GPR161: variants seen among roughly 807,000 people sequenced by gnomAD.
The protein encoded by GPR161 is G protein-coupled receptor 161.
A neutral mutation model predicts 39.2 loss-of-function variants in GPR161; 25 were observed. That is an observed-to-expected ratio of 0.64 (90% CI 0.47 to 0.89). GPR161 has a LOEUF of 0.89. Ranked by LOEUF, GPR161 falls within the 40% of genes least tolerant of loss-of-function variation. The pLI is 0.00. For synonymous variants in GPR161, 286 were observed against 276.6 expected (o/e 1.03, Z -0.34); for missense variants, 547 against 677.8 (o/e 0.81, Z 2.14).
At chr1:168,106,327 C>G (rs573804233) in intron 1 of GPR161, among the ~76,000 whole-genome samples, 2 of 152,312 alleles carry the variant, frequency 1.3e-5, no homozygotes, top group South Asian at 2.1e-4. Context: ...TGGCTCACAC[C>G]GGTAATCCCA....
At chr1:168,101,106 T>C (rs917190076) in intron 2 of GPR161, among the ~76,000 whole-genome samples, 4 of 121,394 alleles carry the variant, frequency 3.3e-5, no homozygotes, top group African/African-American at 1.5e-4. Context: ...TCCAGCCAGT[T>C]TCTTTTTTTT....
At position 168,108,486 on chromosome 1, in the gene GPR161, T is replaced by TAAAAAAAAAAAAAAA. The variant is rs10670498; in HGVS notation, c.-44-3607_-44-3593dup. 4.0e-3 allele frequency among the ~76,000 whole-genome samples: 70 copies of TAAAAAAAAAAAAAAA among 17,458 alleles called. 12 individuals carry two copies. The highest frequency in any genetic ancestry group is 0.024 in the East Asian group (6 of 248). The allele number at this position is 17,458 out of a possible 152,430, so 11.5% of individuals were successfully genotyped here. A position where few individuals can be genotyped will look rare whatever the true frequency, so the allele number is the denominator to read the frequency against. On this transcript the variant is annotated intron_variant, in intron 1 of 5. Transcript: ENST00000682931. ...ATTTTATCCACTGAGGCCCTAGTTG[T>TAAAAAAAAAAAAAAA]AAAAAAAAAAAAAAAAAAAAAAAAA...
chr1:168,100,211 A>C (rs888283683), intron 2 of GPR161, among the ~76,000 whole-genome samples: 149 of 59,886 alleles, frequency 2.5e-3, no homozygotes, highest in African/African-American at 0.013. Context: ...ACCCTGTCTC[A>C]AAAAAAAAAA....
intron 1 of GPR161, chr1:168,133,756 C>T: frequency 5.6e-6 from 1 of 178,344 alleles, no homozygotes; most frequent in Non-Finnish European, 1.1e-5. Context: ...CCACCATGCC[C>T]AGCTTCATTT....
chr1:168,105,094 C>T (rs997632572), intron 1 of GPR161, among the ~76,000 whole-genome samples, 200 bp from the exon 2 acceptor site: 5 of 152,112 alleles, frequency 3.3e-5, no homozygotes, highest in Non-Finnish European at 7.4e-5. Context: ...TTCATTACAT[C>T]CCCCTGACCA....
intron 3 of GPR161, among the ~76,000 whole-genome samples, chr1:168,091,808 ACGCT>A (rs1408961904): frequency 6.6e-6 from 1 of 152,164 alleles, no homozygotes; most frequent in African/African-American, 2.4e-5. Context: ...AGATAACAAA[ACGCT>A]CTTAGAAATT....
chr1:168,120,104 C>A (rs1698044272), intron 1 of GPR161, among the ~76,000 whole-genome samples: 1 of 152,220 alleles, frequency 6.6e-6, no homozygotes, highest in Non-Finnish European at 1.5e-5. Flanking sequence ...ACAACTTGCA[C>A]CATGCACCTG....
At chr1:168,086,225 A>T (rs974539455) in intron 5 of GPR161, among the ~76,000 whole-genome samples, 15 of 151,934 alleles carry the variant, frequency 9.9e-5, no homozygotes, top group African/African-American at 3.6e-4. Flanking sequence ...ACTTCCACAA[A>T]CCCTAATGTC....
chr1:168,084,687 TAAC>T lies in GPR161; in HGVS notation c.*841_*843del. 2 of 374,078 alleles carry T rather than the reference TAAC, an allele frequency of 5.3e-6. No homozygotes were observed. The highest frequency in any genetic ancestry group is 2.0e-5 in the South Asian group (1 of 49,090). The allele number at this position is 374,078 out of a possible 1,614,324, so 23.2% of individuals were successfully genotyped here. On this transcript the variant is annotated 3_prime_UTR_variant, in exon 6 of 6. Coordinates refer to ENST00000682931, the MANE Select transcript of GPR161 (RefSeq NM_001375883.1). ...CATGTGAACAAATTCCCTTCCATAATAACAGTTTCTCTATTTCCTGGCTGTGCT... is the reference window on the plus strand; with the variant it reads ...CATGTGAACAAATTCCCTTCCATAATAGTTTCTCTATTTCCTGGCTGTGCT...
chr1:168,133,723 G>A (rs1166962451), intron 1 of GPR161, among the ~76,000 whole-genome samples: 1 of 152,148 alleles, frequency 6.6e-6, no homozygotes, highest in Non-Finnish European at 1.5e-5. Context: ...AGCCTATCAA[G>A]TAACTGGGAC....
At chr1:168,116,515 C>T (rs1228209056) in intron 1 of GPR161, among the ~76,000 whole-genome samples, 1 of 152,100 alleles carries the variant, frequency 6.6e-6, no homozygotes, top group African/African-American at 2.4e-5. Context: ...TAATAACCAC[C>T]CTGTAACTGA....
intron 1 of GPR161, chr1:168,114,541 G>A (rs1697464567): frequency 6.6e-6 from 1 of 151,622 alleles, no homozygotes; most frequent in South Asian, 2.1e-4. Flanking sequence ...TAAGCAACAG[G>A]GTGAGACTCT....
intron 1 of GPR161, among the ~76,000 whole-genome samples, chr1:168,126,081 A>G (rs1698566020): frequency 6.6e-6 from 1 of 152,194 alleles, no homozygotes; most frequent in Non-Finnish European, 1.5e-5. Context: ...ATTATTCTGA[A>G]AACGTCTATA....
chr1:168,089,067 C>T (rs543675059), intron 4 of GPR161: 2 of 152,286 alleles, frequency 1.3e-5, no homozygotes, highest in Admixed American at 6.5e-5. Flanking sequence ...GTATACTTTA[C>T]AATCTTTATA....
chr1:168,131,423 C>T (rs914439076), intron 1 of GPR161, among the ~76,000 whole-genome samples: 1 of 152,096 alleles, frequency 6.6e-6, no homozygotes, highest in African/African-American at 2.4e-5. Context: ...ACTGTTATCA[C>T]TGCCCATAAT....
At chr1:168,134,576 T>G (rs1699227024) in intron 1 of GPR161, among the ~76,000 whole-genome samples, 2 of 152,190 alleles carry the variant, frequency 1.3e-5, no homozygotes, top group Non-Finnish European at 2.9e-5. Context: ...AGAATGACAG[T>G]CAGTGCTTCC....
Position 168,136,861 on chromosome 1 carries a change from A to G in GPR161, c.-167T>C, listed in dbSNP as rs111379399. On this transcript the variant is annotated 5_prime_UTR_variant, in exon 1 of 6. Coordinates refer to ENST00000682931, the MANE Select transcript of GPR161 (RefSeq NM_001375883.1). ...GACTGGAGGTTTCGGGTTTCAGCCC[A>G]CCGAGCCCCGCTTCGCTCCTCCCGC... The G allele has an allele frequency of 0.16, 153,181 of 979,114 alleles. 12,960 individuals carry two copies. The highest frequency in any genetic ancestry group is 0.36 in the Admixed American group (5,662 of 15,842). 60.7% of individuals were successfully genotyped at this position (979,114 alleles called of 1,614,324 possible). A position where few individuals can be genotyped will look rare whatever the true frequency, so the allele number is the denominator to read the frequency against.
At chr1:168,100,576 G>A (rs1696001210) in intron 2 of GPR161, among the ~76,000 whole-genome samples, 1 of 152,200 alleles carries the variant, frequency 6.6e-6, no homozygotes, top group Non-Finnish European at 1.5e-5. Context: ...GGCTTCCGAT[G>A]CTTCAGGCTC....
At chr1:168,123,512 A>T (rs1031106899) in intron 1 of GPR161, among the ~76,000 whole-genome samples, 13 of 142,584 alleles carry the variant, frequency 9.1e-5, no homozygotes, top group African/African-American at 3.4e-4. Context: ...ATCTATATAG[A>T]TATAGATATA....
Sources: gnomAD v4.1 joint callset for allele counts (sites outside exome capture counted in the v4.1 genomes callset) on GRCh38, gnomAD v4.1.1 for gene constraint, MANE v1.5 for transcripts, NCBI Gene and HGNC (gene_info 2026-07-23, HGNC 2026-07-21) for gene names.